MEIS2: variants seen among roughly 807,000 people sequenced by gnomAD.
The protein encoded by MEIS2 is homeobox protein Meis2.
A neutral mutation model predicts 58.6 loss-of-function variants in MEIS2; 9 were observed. The ratio of observed to expected loss-of-function variants is 0.15; its 90% CI spans 0.09 to 0.27. The LOEUF is 0.27. Among genes scored for constraint, MEIS2 ranks in the 10% least tolerant of loss-of-function variants. MEIS2 has a pLI of 1.00. For missense variants in MEIS2, 427 were observed against 635.0 expected (o/e 0.67, Z 3.52); for synonymous variants, 221 against 228.4 (o/e 0.97, Z 0.29).
chr15:36,892,315 C>T lies in MEIS2; in HGVS notation c.1292G>A (p.Ser431Asn). Reference sequence around the variant, plus strand: ...CATCATGGCTGGGTGGTGGGGATGGCTTGGCAAATATGAATGCATTGGGGG... The same window carrying T: ...CATCATGGCTGGGTGGTGGGGATGGTTTGGCAAATATGAATGCATTGGGGG... The part of the protein sequence containing the change: ...HGPPMHSYLP[S>N]HPHHPAMMMH... The change falls in exon 12 of 12, where the codon AGC (serine) becomes AAC (asparagine). Residue 431 changes from serine (S) to asparagine (N), a missense_variant. Ser to Asn is a conservative substitution (Grantham distance 46, BLOSUM62 1). Around this residue, in one of 6 missense-constraint regions of MEIS2, gnomAD observed 154 missense variants for 148.1 expected, o/e 1.04. Coordinates refer to ENST00000561208, the MANE Select transcript of MEIS2 (RefSeq NM_170675.5). The T allele has an allele frequency of 6.2e-7, 1 of 1,613,552 alleles. No homozygotes were observed. The highest frequency in any genetic ancestry group is 1.7e-5 in the Admixed American group (1 of 59,972).
At chr15:36,975,893 T>G (rs2059731856) in intron 8 of MEIS2, among the ~76,000 whole-genome samples, 1 of 152,170 alleles carries the variant, frequency 6.6e-6, no homozygotes, top group Non-Finnish European at 1.5e-5. Flanking sequence ...AAATAAAGTA[T>G]GTGAGGGAAT....
chr15:37,017,279 G>A (rs1001075281), intron 8 of MEIS2, among the ~76,000 whole-genome samples: 7 of 152,204 alleles, frequency 4.6e-5, no homozygotes, highest in African/African-American at 1.7e-4. Flanking sequence ...GAGACGAAAT[G>A]GCTATAATTG....
chr15:36,922,406 G>GT (rs11377842), intron 9 of MEIS2, among the ~76,000 whole-genome samples: 53,999 of 151,622 alleles, frequency 0.36, 11,549 homozygotes, highest in Non-Finnish European at 0.5. Context: ...GAATCAAAAG[G>GT]TTTTTTTGTG....
chr15:37,095,619 A>G lies in MEIS2; in HGVS notation c.388-5T>C. ...AAGTGGCTTTTCGGCGCGAACCTGT[A>G]AGAAACAGAGAGTCAACTTGAACGA... On this transcript the variant is annotated splice_region_variant and splice_polypyrimidine_tract_variant and intron_variant, in intron 3 of 11. Coordinates refer to ENST00000561208, the MANE Select transcript of MEIS2 (RefSeq NM_170675.5). The G allele has an allele frequency of 1.9e-6, 3 of 1,614,206 alleles. No individual in the cohort carries two copies. Among genetic ancestry groups the G allele is most frequent in the South Asian group, 1.1e-5 (1 of 91,076 alleles).
At chr15:37,010,449 C>A (rs2061104421) in intron 8 of MEIS2, among the ~76,000 whole-genome samples, 1 of 152,134 alleles carries the variant, frequency 6.6e-6, no homozygotes, top group Non-Finnish European at 1.5e-5. Context: ...GTGACATGAT[C>A]TTGGCTCACT....
chr15:36,899,393 C>A, intron 9 of MEIS2, among the ~76,000 whole-genome samples: 1 of 152,062 alleles, frequency 6.6e-6, no homozygotes, highest in Middle Eastern at 3.2e-3. Flanking sequence ...GACTCAGAGG[C>A]CACTCTTAGA....
intron 7 of MEIS2, among the ~76,000 whole-genome samples, chr15:37,074,819 T>C (rs1170288300): frequency 6.6e-6 from 1 of 152,030 alleles, no homozygotes; most frequent in African/African-American, 2.4e-5. Context: ...GTCTGTGCCC[T>C]TTTCAATGCA....
chr15:37,062,625 T>C (rs138144370), intron 7 of MEIS2, among the ~76,000 whole-genome samples: 2 of 152,328 alleles, frequency 1.3e-5, no homozygotes, highest in African/African-American at 4.8e-5. Flanking sequence ...GCTCATCCTC[T>C]ACAACTTCCC....
chr15:37,000,425 T>C (rs2060679686), intron 8 of MEIS2, among the ~76,000 whole-genome samples: 1 of 152,156 alleles, frequency 6.6e-6, no homozygotes, highest in Non-Finnish European at 1.5e-5. Context: ...TTACTCTTCA[T>C]CTTTCTGCAA....
At chr15:37,079,162 A>T (rs1012852977) in intron 7 of MEIS2, among the ~76,000 whole-genome samples, 2 of 152,176 alleles carry the variant, frequency 1.3e-5, no homozygotes, top group Non-Finnish European at 2.9e-5. Context: ...CAATGTAAAT[A>T]GTCCATATAC....
intron 7 of MEIS2, among the ~76,000 whole-genome samples, chr15:37,080,940 A>C (rs965539692): frequency 6.6e-6 from 1 of 152,190 alleles, no homozygotes; most frequent in African/African-American, 2.4e-5. Flanking sequence ...CTGAAACACT[A>C]TGGAGGAAAA....
chr15:36,893,721 A>T (rs1333325404), intron 11 of MEIS2, among the ~76,000 whole-genome samples: 2 of 152,188 alleles, frequency 1.3e-5, no homozygotes, highest in Non-Finnish European at 2.9e-5. Flanking sequence ...TGTTTTAGGG[A>T]ACATTGCTTT....
At chr15:36,983,484 A>AT (rs2059996276) in intron 8 of MEIS2, among the ~76,000 whole-genome samples, 1 of 151,652 alleles carries the variant, frequency 6.6e-6, no homozygotes, top group Non-Finnish European at 1.5e-5. Context: ...TAGGTTCTCT[A>AT]TTCTATTTCA....
At chr15:36,956,827 T>C (rs902773979) in intron 8 of MEIS2, among the ~76,000 whole-genome samples, 2 of 150,484 alleles carry the variant, frequency 1.3e-5, no homozygotes, top group East Asian at 3.9e-4. Flanking sequence ...ATAGACCGAT[T>C]TGGATTATGT....
intron 6 of MEIS2, among the ~76,000 whole-genome samples, chr15:37,089,282 C>T (rs1893250110): frequency 6.6e-6 from 1 of 152,090 alleles, no homozygotes; most frequent in South Asian, 2.1e-4. Context: ...TTCATTATTT[C>T]CCCCTTGATA....
chr15:37,028,897 T>C (rs538634605), intron 8 of MEIS2, among the ~76,000 whole-genome samples: 3 of 148,514 alleles, frequency 2.0e-5, no homozygotes, highest in South Asian at 2.2e-4. Context: ...CACCCCTATC[T>C]CCCATCCCCA....
chr15:37,092,321 T>G (rs2141946634), intron 6 of MEIS2, among the ~76,000 whole-genome samples: 1 of 152,302 alleles, frequency 6.6e-6, no homozygotes, highest in South Asian at 2.1e-4. Flanking sequence ...AAAACTTTTG[T>G]CTGGAGCAGG....
In MEIS2 at chr15:37,085,868, C is replaced by T. The variant is rs746554321; in HGVS notation, c.640-1983G>A. On this transcript the variant is annotated intron_variant, in intron 6 of 11. Coordinates refer to ENST00000561208, the MANE Select transcript of MEIS2 (RefSeq NM_170675.5). ...AAAAGGCAAACAGAATACAGGGGCT[C>T]CTCAAGCTTTGAAGCCTCTTCGTGT... Among the ~76,000 whole-genome samples, 63 of 152,188 alleles carry T rather than the reference C, an allele frequency of 4.1e-4. No homozygotes were observed. The Middle Eastern group carries it at 0.01, about 25-fold the overall frequency.
At chr15:37,098,886 T>C in intron 1 of MEIS2, 1 of 985,198 alleles carries the variant, frequency 1.0e-6, no homozygotes. Context: ...GGGGGGCGAA[T>C]AACGTGAAAG....
Sources: allele counts gnomAD v4.1 joint callset (sites outside exome capture counted in the v4.1 genomes callset), GRCh38; gene constraint gnomAD v4.1.1; regional missense constraint gnomAD v4.1.1; transcripts MANE v1.5; gene names NCBI Gene and HGNC (gene_info 2026-07-23, HGNC 2026-07-21).